The following ADAMTS12 variants were observed in gnomAD, a reference collection of about 807,000 sequenced individuals.
ADAMTS12 encodes A disintegrin and metalloproteinase with thrombospondin motifs 12.
ADAMTS12 carries 118 observed loss-of-function variants against 167.8 expected under a neutral mutation model. The ratio of observed to expected loss-of-function variants is 0.70; its 90% CI spans 0.61 to 0.82. The LOEUF (loss-of-function observed/expected upper bound fraction) is 0.82, where lower values mean the gene tolerates loss of function less well. Ranked by LOEUF, ADAMTS12 falls within the 40% of genes least tolerant of loss-of-function variation. ADAMTS12 has a pLI of 0.00. For missense variants in ADAMTS12, 1,916 were observed against 1,998.8 expected (o/e 0.96, Z 0.79); for synonymous variants, 704 against 716.9 (o/e 0.98, Z 0.29).
chr5:33,631,992 T>C (rs1326116419), intron 12 of ADAMTS12, among the ~76,000 whole-genome samples: 1 of 152,038 alleles, frequency 6.6e-6, no homozygotes, highest in Non-Finnish European at 1.5e-5. Context: ...CTGCTTGAGG[T>C]TGCAGTGATT....
intron 5 of ADAMTS12, among the ~76,000 whole-genome samples, chr5:33,673,378 G>A (rs1579823431): frequency 1.3e-5 from 2 of 152,202 alleles, no homozygotes; most frequent in Middle Eastern, 3.4e-3. Context: ...CAGCATCCCC[G>A]AAATCTTTTC....
At chr5:33,719,137 A>T (rs895160021) in intron 3 of ADAMTS12, among the ~76,000 whole-genome samples, 1 of 152,148 alleles carries the variant, frequency 6.6e-6, no homozygotes, top group Non-Finnish European at 1.5e-5. Flanking sequence ...GAGCTTAATG[A>T]TCCACTTGGG....
At chr5:33,632,909 A>G (rs1241655969) in intron 12 of ADAMTS12, among the ~76,000 whole-genome samples, 1 of 152,124 alleles carries the variant, frequency 6.6e-6, no homozygotes, top group African/African-American at 2.4e-5. Context: ...CGGCAACGGA[A>G]TGTTTATTCA....
At chr5:33,882,002 T>C (rs1750466579) in intron 1 of ADAMTS12, among the ~76,000 whole-genome samples, 1 of 152,144 alleles carries the variant, frequency 6.6e-6, no homozygotes, top group Non-Finnish European at 1.5e-5. Flanking sequence ...CTCAGTGACA[T>C]GATATCAGGT....
chr5:33,562,808 A>G (rs1212786582), intron 19 of ADAMTS12, among the ~76,000 whole-genome samples: 1 of 152,020 alleles, frequency 6.6e-6, no homozygotes, highest in African/African-American at 2.4e-5. Flanking sequence ...ACTTTTGTAT[A>G]TTTAGTAGAG....
chr5:33,637,770 T>A, intron 11 of ADAMTS12, 24 bp from the exon 12 acceptor site: 1 of 1,609,088 alleles, frequency 6.2e-7, no homozygotes, highest in Non-Finnish European at 8.5e-7. Flanking sequence ...AGACAAGCTT[T>A]TCTTTTAGTT....
In ADAMTS12 at chr5:33,576,824, GC is replaced by G; in HGVS notation, c.3201del (p.Trp1067CysfsTer10). The G allele has an allele frequency of 6.2e-7, 1 of 1,614,186 alleles. No individual in the cohort carries two copies. On this transcript the variant is annotated frameshift_variant, in exon 19 of 24. Transcript: ENST00000504830. LOFTEE classifies it high-confidence loss of function. ...SKEGDLGGKQ[W>X]QDSSTQPELS... ...AGCTCAGGTTGGGTTGAGCTATCTT[GC>G]CACTGTTTCCCACCCAGGTCTCCTT...
intron 11 of ADAMTS12, among the ~76,000 whole-genome samples, chr5:33,639,271 C>T (rs1740344985): frequency 6.6e-6 from 1 of 152,166 alleles, no homozygotes; most frequent in Non-Finnish European, 1.5e-5. Flanking sequence ...GTGCTCAACA[C>T]TGTTCAGGGA....
chr5:33,577,741 C>G (rs1358007910), intron 18 of ADAMTS12, among the ~76,000 whole-genome samples: 1 of 118,684 alleles, frequency 8.4e-6, no homozygotes, highest in Non-Finnish European at 1.6e-5. Context: ...AGATCCAAGA[C>G]CTACTCTAAA....
At chr5:33,577,740 AC>A (rs11309158) in intron 18 of ADAMTS12, among the ~76,000 whole-genome samples, 18,173 of 152,038 alleles carry the variant, frequency 0.12, 1,596 homozygotes, top group East Asian at 0.32. Flanking sequence ...TAGATCCAAG[AC>A]CTACTCTAAA....
chr5:33,871,152 T>C (rs76641739), intron 2 of ADAMTS12, among the ~76,000 whole-genome samples: 5,077 of 152,146 alleles, frequency 0.033, 135 homozygotes, highest in Non-Finnish European at 0.052. Flanking sequence ...CAAAATGAAA[T>C]AGAAAATTTG....
intron 3 of ADAMTS12, among the ~76,000 whole-genome samples, chr5:33,705,232 T>C (rs1271331844): frequency 2.0e-5 from 3 of 151,876 alleles, no homozygotes; most frequent in Admixed American, 2.0e-4. Context: ...AATGCCATTA[T>C]TTTTTTCCTT....
chr5:33,560,439 T>C (rs1745683994), intron 20 of ADAMTS12, among the ~76,000 whole-genome samples: 1 of 152,182 alleles, frequency 6.6e-6, no homozygotes, highest in African/African-American at 2.4e-5. Flanking sequence ...CCCAAAGGAA[T>C]ATAAATCATG....
chr5:33,649,105 T>G, intron 8 of ADAMTS12, 139 bp from the exon 9 acceptor site: 1 of 987,714 alleles, frequency 1.0e-6, no homozygotes, highest in Non-Finnish European at 1.5e-6. Flanking sequence ...GAGAACTCTC[T>G]AGGCCCATCA....
intron 2 of ADAMTS12, among the ~76,000 whole-genome samples, chr5:33,776,701 C>A (rs1745922043): frequency 6.7e-6 from 1 of 150,240 alleles, no homozygotes; most frequent in Non-Finnish European, 1.5e-5. Flanking sequence ...TAACAGAAGG[C>A]AAGAAATAAT....
intron 18 of ADAMTS12, among the ~76,000 whole-genome samples, chr5:33,588,277 A>G (rs1747456337): frequency 1.3e-5 from 2 of 151,990 alleles, no homozygotes; most frequent in African/African-American, 2.4e-5. Flanking sequence ...GAGGTCCCTT[A>G]TCTGCTACCA....
At chr5:33,790,041 G>C (rs1435364219) in intron 2 of ADAMTS12, among the ~76,000 whole-genome samples, 3 of 151,946 alleles carry the variant, frequency 2.0e-5, no homozygotes, top group Non-Finnish European at 4.4e-5. Context: ...CAAGGTTATA[G>C]AACAATTCCT....
chr5:33,857,035 A>G lies in ADAMTS12; in HGVS notation c.489+24084T>C, dbSNP rs145158268. ...GACAGACAAATGGATAAAGAAATTC[A>G]ATACATGTACACGTGTGTATATGTG... On this transcript the variant is annotated intron_variant, in intron 2 of 23. Transcript: ENST00000504830. Among the ~76,000 whole-genome samples, 225 of 152,350 alleles carry G rather than the reference A, an allele frequency of 1.5e-3. 2 individuals carry two copies. The highest frequency in any genetic ancestry group is 5.2e-3 in the African/African-American group (216 of 41,588).
chr5:33,652,519 C>A (rs149762428), intron 7 of ADAMTS12, among the ~76,000 whole-genome samples: 14 of 152,000 alleles, frequency 9.2e-5, no homozygotes, highest in Non-Finnish European at 1.9e-4. Flanking sequence ...CTAATAGATT[C>A]TCGATATTAG....
Sources: allele counts gnomAD v4.1 joint callset (sites outside exome capture counted in the v4.1 genomes callset), GRCh38; gene constraint gnomAD v4.1.1; transcripts MANE v1.5; gene names NCBI Gene and HGNC (gene_info 2026-07-23, HGNC 2026-07-21).